Variants in HEXB observed in about 807,000 individuals in gnomAD.
The protein encoded by HEXB is beta-hexosaminidase subunit beta.
Under a neutral mutation model 71.2 loss-of-function variants are expected in HEXB, and 51 were observed. That is an observed-to-expected ratio of 0.72 (90% CI 0.57 to 0.90). The LOEUF (loss-of-function observed/expected upper bound fraction) is 0.90, where lower values mean the gene tolerates loss of function less well. HEXB is among the 40% of genes least tolerant of loss of function. The pLI is 0.00. For missense variants in HEXB, 617 were observed against 677.0 expected (o/e 0.91, Z 0.98); for synonymous variants, 266 against 249.3 (o/e 1.07, Z -0.63).
At chr5:74,705,101 A>G in intron 5 of HEXB, 118 bp from the exon 6 acceptor site, 1 of 672,538 alleles carries the variant, frequency 1.5e-6, no homozygotes, top group South Asian at 1.6e-5. Flanking sequence ...CAAAAAAAAA[A>G]AAAAAAAAAA....
At chr5:74,719,896 G>A (rs1477616834) in intron 11 of HEXB, 13 of 155,976 alleles carry the variant, frequency 8.3e-5, no homozygotes, top group African/African-American at 1.7e-4. Flanking sequence ...AGCCAAGATC[G>A]CGCCACTGCA....
intron 1 of HEXB, 54 bp from the exon 2 acceptor site, chr5:74,689,274 T>A: frequency 6.9e-7 from 1 of 1,451,024 alleles, no homozygotes; most frequent in Non-Finnish European, 9.7e-7. Flanking sequence ...ACATCTGTTT[T>A]AAAAATTTGG....
Position 74,685,464 on chromosome 5 carries a change from C to G in HEXB, c.204C>G (p.Asn68Lys). The G allele has an allele frequency of 6.2e-7, 1 of 1,611,906 alleles. No individual in the cohort carries two copies. The highest frequency in any genetic ancestry group is 1.1e-5 in the South Asian group (1 of 90,872). ...PLPLLVKMTPNLLHLAPENFY... is the reference protein window; with the variant it reads ...PLPLLVKMTPKLLHLAPENFY... ...CGCTCTTGGTGAAGATGACCCCGAA[C>G]CTGCTGCATCTCGCCCCGGAGAACT... is the stretch of plus-strand genomic sequence containing the variant. The change falls in exon 1 of 14, where the codon AAC becomes AAG. Residue 68 changes from asparagine to lysine, a missense_variant. Asn to Lys is a moderately conservative substitution (Grantham distance 94). Transcript: ENST00000261416.
chr5:74,670,899 C>T (rs569228892), intron 1 of HEXB, among the ~76,000 whole-genome samples: 1 of 152,242 alleles, frequency 6.6e-6, no homozygotes, highest in South Asian at 2.1e-4. Context: ...CCACCAGGGG[C>T]CAAGCACATA....
At chr5:74,703,489 G>A (rs545000101) in intron 5 of HEXB, among the ~76,000 whole-genome samples, 5 of 152,312 alleles carry the variant, frequency 3.3e-5, no homozygotes, top group South Asian at 2.1e-4. Flanking sequence ...CTCTAGGTGT[G>A]CTCATTGCTA....
Position 74,685,527 on chromosome 5 carries a change from C to T in HEXB, c.267C>T (p.Pro89=). Residue 89 remains proline (P), a synonymous_variant, in exon 1 of 14, where the codon CCC becomes CCT. Coordinates refer to ENST00000261416, the MANE Select transcript of HEXB (RefSeq NM_000521.4). ...ACAGCCCCAATTCCACGGCGGGCCC[C>T]TCCTGCACCCTGCTGGAGGAAGCGT... is the stretch of plus-strand genomic sequence containing the variant. The part of the protein sequence containing the change: ...ISHSPNSTAG[P]SCTLLEEAFR... 1 of 1,593,472 alleles carries T rather than the reference C, an allele frequency of 6.3e-7. No individual in the cohort carries two copies. The highest frequency in any genetic ancestry group is 8.5e-7 in the Non-Finnish European group (1 of 1,170,652).
intron 1 of HEXB, among the ~76,000 whole-genome samples, chr5:74,663,089 C>T (rs988821806): frequency 6.6e-5 from 10 of 152,168 alleles, no homozygotes; most frequent in Non-Finnish European, 1.3e-4. Context: ...CAGTTTAGAA[C>T]TCAGTAAACG....
rs987189509 is a variant in HEXB at position 74,652,047 on chromosome 5, T to C, written c.-377+11489T>C. On this transcript the variant is annotated intron_variant, in intron 1 of 13. Coordinates refer to the HEXB transcript ENST00000511181. This position sits in a 1 kb window ranked among gnomAD's most constrained non-coding sequence, Gnocchi z 5.4. ...AGGACGTGTCTAAAAAGTCAGACACTGCATTCTTTTGCTTGGTCTAATACT... is the reference window on the plus strand; with the variant it reads ...AGGACGTGTCTAAAAAGTCAGACACCGCATTCTTTTGCTTGGTCTAATACT... Among the ~76,000 whole-genome samples the C allele has an allele frequency of 2.0e-5, 3 of 152,238 alleles. No individual in the cohort carries two copies. The highest frequency in any genetic ancestry group is 2.9e-5 in the Non-Finnish European group (2 of 68,038).
intron 1 of HEXB, among the ~76,000 whole-genome samples, chr5:74,675,468 G>A (rs181023721): frequency 7.9e-5 from 12 of 152,278 alleles, no homozygotes; most frequent in Admixed American, 6.5e-4. Flanking sequence ...GCTCAGCAAA[G>A]AGCAACAAGA....
At chr5:74,657,409 T>C (rs1183542338) in intron 1 of HEXB, among the ~76,000 whole-genome samples, 1 of 152,148 alleles carries the variant, frequency 6.6e-6, no homozygotes, top group Non-Finnish European at 1.5e-5. Context: ...CTCAGATAAC[T>C]CCTATTAGCG....
chr5:74,702,100 A>C, intron 5 of HEXB, among the ~76,000 whole-genome samples: 1 of 78,064 alleles, frequency 1.3e-5, no homozygotes, highest in African/African-American at 5.1e-5. Flanking sequence ...TTTTTTTGAG[A>C]CGGAGTCTCG....
Position 74,700,627 on chromosome 5 carries a change from A to C in HEXB, c.669+3521A>C, listed in dbSNP as rs1749239965. Reference sequence around the variant, plus strand: ...TTTATATTATATACTTACCCATCATATGTTGTTGTGAATTTTTTCTAAATT... The same window carrying C: ...TTTATATTATATACTTACCCATCATCTGTTGTTGTGAATTTTTTCTAAATT... On this transcript the variant is annotated intron_variant, in intron 5 of 13. Transcript: ENST00000261416. 2.6e-5 allele frequency among the ~76,000 whole-genome samples: 4 copies of C among 151,916 alleles called. No individual in the cohort carries two copies. In the South Asian group the frequency reaches 8.3e-4, roughly 32 times the overall value.
Position 74,716,016 on chromosome 5 carries a change from CAAAAAAAAA to C in HEXB, c.1082+343_1082+351del, listed in dbSNP as rs71600435. On this transcript the variant is annotated intron_variant, in intron 8 of 13. Coordinates refer to ENST00000261416, the MANE Select transcript of HEXB (RefSeq NM_000521.4). The stretch of plus-strand genomic sequence containing the variant: ...TGAGTGACAGAGTGAGACTCCATCT[CAAAAAAAAA>C]AAAAAAAAAAAAAAAATGGAATAAA... Among the ~76,000 whole-genome samples, 10 of 64,868 alleles carry C rather than the reference CAAAAAAAAA, an allele frequency of 1.5e-4. No homozygotes were observed. In the East Asian group the frequency reaches 3.9e-3, roughly 25 times the overall value. 42.6% of individuals were successfully genotyped at this position (64,868 alleles called of 152,430 possible).
chr5:74,677,487 C>G (rs3857379), intron 1 of HEXB, among the ~76,000 whole-genome samples: 2 of 129,974 alleles, frequency 1.5e-5, no homozygotes, highest in South Asian at 5.0e-4. Flanking sequence ...TTTTCTTCTT[C>G]TTCTTTTTTT....
chr5:74,663,194 G>C (rs942393745), intron 1 of HEXB, among the ~76,000 whole-genome samples: 2 of 129,982 alleles, frequency 1.5e-5, no homozygotes, highest in Non-Finnish European at 3.4e-5. Context: ...TTTTTTTTGG[G>C]GGGGTGGAGT....
Position 74,674,476 on chromosome 5 carries a change from C to T in HEXB, c.-376-14852C>T, listed in dbSNP as rs558342249. Among the ~76,000 whole-genome samples, 129 of 151,982 alleles carry T rather than the reference C, an allele frequency of 8.5e-4. 1 individual carries two copies. The highest frequency in any genetic ancestry group is 1.5e-3 in the Non-Finnish European group (99 of 67,966). ...AAAATTAGCCAGGTATGGTGGCAGGCGCCTGTCGTCCCAGCTGCTCAGGAG... is the reference window on the plus strand; with the variant it reads ...AAAATTAGCCAGGTATGGTGGCAGGTGCCTGTCGTCCCAGCTGCTCAGGAG... On this transcript the variant is annotated intron_variant, in intron 1 of 13. Coordinates refer to the HEXB transcript ENST00000511181.
chr5:74,660,472 T>C (rs1158937116), intron 1 of HEXB, among the ~76,000 whole-genome samples: 1 of 152,234 alleles, frequency 6.6e-6, no homozygotes. Flanking sequence ...ACATAGGTCA[T>C]GATGCCTGAA....
intron 5 of HEXB, among the ~76,000 whole-genome samples, chr5:74,702,300 G>A (rs370970379): frequency 3.8e-4 from 57 of 151,308 alleles, no homozygotes; most frequent in Admixed American, 3.2e-3. Context: ...GGATGGTCTC[G>A]ATCTCCTGAC....
intron 11 of HEXB, among the ~76,000 whole-genome samples, chr5:74,719,611 T>A (rs1749766986): frequency 6.6e-6 from 1 of 152,242 alleles, no homozygotes; most frequent in Non-Finnish European, 1.5e-5. Flanking sequence ...ATACAATGCA[T>A]TTTATGAGGA....
Sources: gnomAD v4.1 joint callset for allele counts (sites outside exome capture counted in the v4.1 genomes callset) on GRCh38, gnomAD v4.1.1 for gene constraint, Gnocchi (gnomAD v3.1) non-coding constraint, MANE v1.5 for transcripts, NCBI Gene and HGNC (gene_info 2026-07-23, HGNC 2026-07-21) for gene names.